The following ERMAP variants were observed in gnomAD, a reference collection of about 807,000 sequenced individuals.
ERMAP encodes the protein erythroblast membrane associated protein (Scianna blood group).
ERMAP carries 34 observed loss-of-function variants against 49.5 expected under a neutral mutation model. The observed-to-expected ratio is 0.69, with a 90% CI of 0.52 to 0.91. ERMAP has a LOEUF of 0.91. Ranked by LOEUF, ERMAP falls within the 40% of genes least tolerant of loss-of-function variation. The pLI is 0.00. For missense variants in ERMAP, 541 were observed against 582.6 expected (o/e 0.93, Z 0.74); for synonymous variants, 214 against 232.2 (o/e 0.92, Z 0.71).
intron 7 of ERMAP, chr1:42,837,826 G>C (rs1167011639): frequency 1.3e-5 from 2 of 152,390 alleles, no homozygotes; most frequent in African/African-American, 4.8e-5. Flanking sequence ...GGGAAGACAA[G>C]TCACTGGCTC....
chr1:42,828,194 A>C (rs978989305), intron 2 of ERMAP, among the ~76,000 whole-genome samples: 10 of 151,554 alleles, frequency 6.6e-5, no homozygotes, highest in Non-Finnish European at 1.3e-4. Flanking sequence ...TGGTTCTTAC[A>C]TCTGTGTAAG....
In ERMAP at chr1:42,843,080, C is replaced by G. The variant is rs779636956; in HGVS notation, c.1276C>G (p.Pro426Ala). ...ATCAGAGGAATCAATTGTCCCCAGG[C>G]CAGAAGGGAAAGGCCATGCTAATGG... ...HKSEESIVPR[P>A]EGKGHANGDV... The change falls in exon 12 of 12, where the codon CCA becomes GCA. Residue 426 changes from proline (P) to alanine (A), a missense_variant. Physicochemically the swap from Pro to Ala is conservative, Grantham distance 27 (BLOSUM62 -1). Transcript: ENST00000372517. 1.2e-5 allele frequency: 19 copies of G among 1,614,090 alleles called. No homozygotes were observed. Among genetic ancestry groups the G allele is most frequent in the Admixed American group, 1.7e-5 (1 of 60,000 alleles).
Position 42,842,737 on chromosome 1 carries a change from T to C in ERMAP, c.933T>C (p.Ser311=), listed in dbSNP as rs373556849. Residue 311 remains serine (S), a synonymous_variant, in exon 12 of 12, where the codon AGT becomes AGC. Coordinates refer to ENST00000372517, the MANE Select transcript of ERMAP (RefSeq NM_001017922.2). The stretch of plus-strand genomic sequence containing the variant: ...CCAAATGGATTCTTGGAGTATGTAG[T>C]GAGTCAGTGAGCAGGAAGGGGAAGG... ...DKTKWILGVC[S]ESVSRKGKVT... 4.3e-6 allele frequency: 7 copies of C among 1,614,020 alleles called. No individual in the cohort carries two copies. In the African/African-American group the frequency reaches 9.3e-5, roughly 22 times the overall value.
intron 2 of ERMAP, among the ~76,000 whole-genome samples, chr1:42,827,142 T>C (rs912744262): frequency 2.0e-5 from 3 of 152,162 alleles, no homozygotes; most frequent in African/African-American, 7.2e-5. Context: ...GGTGAAAATA[T>C]CAGGTATCAA....
At chr1:42,830,279 G>A (rs925857630) in intron 2 of ERMAP, 165 bp from the exon 3 acceptor site, 4 of 610,588 alleles carry the variant, frequency 6.6e-6, no homozygotes, top group South Asian at 5.9e-5. Context: ...AGAGAAGTTC[G>A]GTCACAGTAT....
At chr1:42,831,444 G>T (rs1350365959) in intron 4 of ERMAP, among the ~76,000 whole-genome samples, 1 of 152,124 alleles carries the variant, frequency 6.6e-6, no homozygotes, top group African/African-American at 2.4e-5. Context: ...TCATTACATG[G>T]CTGTAAAGAA....
At chr1:42,838,675 A>G (rs1654971515) in intron 7 of ERMAP, among the ~76,000 whole-genome samples, 2 of 152,104 alleles carry the variant, frequency 1.3e-5, no homozygotes, top group Admixed American at 1.3e-4. Context: ...AAAGGAGGGG[A>G]AGGGGAAGGA....
chr1:42,818,250 T>C (rs926062821), intron 1 of ERMAP, among the ~76,000 whole-genome samples: 4 of 152,206 alleles, frequency 2.6e-5, no homozygotes, highest in African/African-American at 9.6e-5. Flanking sequence ...TAGTACTAGG[T>C]ATCAAAAGCC....
chr1:42,826,675 G>T (rs1214445612), intron 2 of ERMAP, among the ~76,000 whole-genome samples: 1 of 152,028 alleles, frequency 6.6e-6, no homozygotes, highest in Non-Finnish European at 1.5e-5. Context: ...GGCCAACATG[G>T]TGAAACTCCG....
intron 6 of ERMAP, 113 bp from the exon 7 acceptor site, chr1:42,837,045 G>T: frequency 9.7e-7 from 1 of 1,033,182 alleles, no homozygotes; most frequent in Non-Finnish European, 1.5e-6. Flanking sequence ...GGATCAGGGA[G>T]GTGGAGGTGA....
chr1:42,819,811 T>G lies in ERMAP; in HGVS notation c.-122+2558T>G, dbSNP rs1470276098. Reference sequence around the variant, plus strand: ...TCCCTCCTTAGACTCATCCTCTCTTTGCTCCAAACTCCTCTGCTTAGCCTT... The same window carrying G: ...TCCCTCCTTAGACTCATCCTCTCTTGGCTCCAAACTCCTCTGCTTAGCCTT... On this transcript the variant is annotated intron_variant, in intron 1 of 11. Coordinates refer to ENST00000372517, the MANE Select transcript of ERMAP (RefSeq NM_001017922.2). The surrounding 1 kb of genome is among the most constrained non-coding windows in gnomAD (Gnocchi z 5.1). Among the ~76,000 whole-genome samples the G allele has an allele frequency of 2.6e-5, 4 of 152,212 alleles. No individual in the cohort carries two copies. The East Asian group carries it at 7.7e-4, about 29-fold the overall frequency.
intron 1 of ERMAP, among the ~76,000 whole-genome samples, chr1:42,823,228 T>C (rs1363994392): frequency 6.6e-6 from 1 of 152,208 alleles, no homozygotes; most frequent in Non-Finnish European, 1.5e-5. Context: ...ACAGCAACAC[T>C]CACAGTTTTT....
intron 6 of ERMAP, 152 bp from the exon 7 acceptor site, chr1:42,837,006 G>T: frequency 1.4e-6 from 1 of 697,852 alleles, no homozygotes; most frequent in Admixed American, 2.8e-5. Context: ...TGCCATTTCT[G>T]TTGTCCAGGT....
At chr1:42,839,124 C>T in intron 8 of ERMAP, 1 of 735,408 alleles carries the variant, frequency 1.4e-6, no homozygotes, top group South Asian at 1.8e-5. Context: ...ATTATTTAGT[C>T]TTTAAATGAA....
intron 2 of ERMAP, among the ~76,000 whole-genome samples, chr1:42,827,453 G>A (rs951441004): frequency 3.9e-5 from 6 of 152,200 alleles, no homozygotes; most frequent in African/African-American, 9.7e-5. Context: ...GATTACAGGC[G>A]TGAGCCACTG....
At chr1:42,838,752 C>A in intron 7 of ERMAP, 149 bp from the exon 8 acceptor site, 1 of 1,289,332 alleles carries the variant, frequency 7.8e-7, no homozygotes, top group Non-Finnish European at 1.1e-6. Flanking sequence ...ATTTCTGGGT[C>A]TGAACTCTGG....
At chr1:42,836,376 C>T (rs36034742) in intron 6 of ERMAP, among the ~76,000 whole-genome samples, 144 of 152,052 alleles carry the variant, frequency 9.5e-4, no homozygotes, top group Non-Finnish European at 1.7e-3. Context: ...GAAGCATGGT[C>T]GGGGAAAGCA....
rs760994642 is a variant in ERMAP, at chr1:42,843,042, C to A, written c.1238C>A (p.Ser413Ter). 1.3e-5 allele frequency: 21 copies of A among 1,614,052 alleles called. No individual in the cohort carries two copies. In the African/African-American group the frequency reaches 2.5e-4, roughly 19 times the overall value. ...GKNTAPLVICSELHKSEESIV... is the reference protein window; with the variant it reads ...GKNTAPLVIC The stretch of plus-strand genomic sequence containing the variant: ...AACACAGCACCTCTAGTCATTTGTT[C>A]AGAACTACACAAATCAGAGGAATCA... Residue 413 changes from serine to a stop codon, truncating the protein, a stop_gained, in exon 12 of 12, where the codon TCA becomes TAA. Coordinates refer to ENST00000372517, the MANE Select transcript of ERMAP (RefSeq NM_001017922.2). LOFTEE classifies it high-confidence loss of function.
chr1:42,834,746 G>A (rs894742345), intron 4 of ERMAP: 5 of 297,846 alleles, frequency 1.7e-5, no homozygotes, highest in Non-Finnish European at 3.2e-5. Context: ...AGTAGACACG[G>A]AGTTTCCCCA....
Sources: allele counts gnomAD v4.1 joint callset (sites outside exome capture counted in the v4.1 genomes callset), GRCh38; gene constraint gnomAD v4.1.1; non-coding constraint Gnocchi (gnomAD v3.1); transcripts MANE v1.5; gene names NCBI Gene and HGNC (gene_info 2026-07-23, HGNC 2026-07-21).